Variants in ACSM6 observed in about 807,000 individuals in gnomAD.
The protein encoded by ACSM6 is acyl-coenzyme A synthetase ACSM6, mitochondrial.
A neutral mutation model predicts 51.1 loss-of-function variants in ACSM6; 35 were observed. The observed-to-expected ratio is 0.69, with a 90% confidence interval of 0.52 to 0.91. The LOEUF (loss-of-function observed/expected upper bound fraction) is 0.91. Ranked by LOEUF, ACSM6 falls within the 40% of genes least tolerant of loss-of-function variation. ACSM6 has a pLI of 0.00. For synonymous variants in ACSM6, 172 were observed against 207.3 expected, an observed-to-expected ratio of 0.83 and a Z score of 1.46; for missense variants, 509 against 584.1, an observed-to-expected ratio of 0.87 and a Z score of 1.32.
At chr10:95,216,233 A>T (rs544723443) in intron 8 of ACSM6, among the ~76,000 whole-genome samples, 1 of 152,236 alleles carries the variant, frequency 6.6e-6, no homozygotes, top group South Asian at 2.1e-4. Flanking sequence ...TGTGCCCAGC[A>T]TCTCTTCTTA....
chr10:95,202,005 C>G lies in ACSM6; in HGVS notation c.213C>G (p.Tyr71Ter), dbSNP rs765703861. 15 of 1,551,518 alleles carry G rather than the reference C, an allele frequency of 9.7e-6. No individual in the cohort carries two copies. The South Asian group carries it at 1.3e-4, about 14-fold the overall frequency. ...CCTAGGACGGACTCAGAGGGCCTTA[C>G]CCCGCCCTCTGGAAGGTTAGTGCCA... The change falls in exon 3 of 11, where the codon TAC (tyrosine) becomes TAG (stop). Residue 71 changes from tyrosine to a stop codon, truncating the protein, a stop_gained. Transcript: ENST00000341686. LOFTEE classifies it high-confidence loss of function.
At chr10:95,204,695 T>A (rs2034826012) in intron 3 of ACSM6, among the ~76,000 whole-genome samples, 1 of 152,142 alleles carries the variant, frequency 6.6e-6, no homozygotes, top group East Asian at 1.9e-4. Context: ...TGTACCAAAA[T>A]AAATTCAAAT....
At chr10:95,213,497 T>C (rs2034915351) in intron 7 of ACSM6, among the ~76,000 whole-genome samples, 1 of 152,228 alleles carries the variant, frequency 6.6e-6, no homozygotes, top group African/African-American at 2.4e-5. Context: ...TATATCATAG[T>C]GAAACTTGCA....
intron 8 of ACSM6, among the ~76,000 whole-genome samples, chr10:95,216,429 C>G (rs1458403554): frequency 6.6e-6 from 1 of 152,134 alleles, no homozygotes; most frequent in African/African-American, 2.4e-5. Context: ...GGGGGTAGAA[C>G]TGATCATTCA....
exon 7 of ACSM6, chr10:95,212,937 C>A: frequency 1.2e-6 from 2 of 1,606,630 alleles, no homozygotes; most frequent in Non-Finnish European, 1.7e-6. Context: ...AAGTGTTTCA[C>A]CAGGTAAGAG....
intron 9 of ACSM6, among the ~76,000 whole-genome samples, chr10:95,222,817 T>C (rs2035005902): frequency 7.0e-6 from 1 of 143,590 alleles, no homozygotes; most frequent in East Asian, 1.9e-4. Context: ...ACTTAAAATC[T>C]TGCTAAGGAG....
intron 3 of ACSM6, among the ~76,000 whole-genome samples, chr10:95,202,397 TTTCC>T (rs1162954639): frequency 6.6e-6 from 1 of 152,218 alleles, no homozygotes; most frequent in African/African-American, 2.4e-5. Context: ...TGAATCTCAG[TTTCC>T]TTGTCTATTA....
intron 2 of ACSM6, among the ~76,000 whole-genome samples, chr10:95,198,591 C>T (rs939063796): frequency 1.3e-5 from 2 of 150,574 alleles, no homozygotes; most frequent in African/African-American, 4.9e-5. Flanking sequence ...GCAGAGGTTG[C>T]AGTGAGCTGA....
chr10:95,212,811 C>T (rs2034906389), intron 6 of ACSM6, 47 bp from the exon 7 acceptor site: 1 of 1,449,434 alleles, frequency 6.9e-7, no homozygotes, highest in Admixed American at 1.7e-5. Flanking sequence ...CTCACTGTCT[C>T]TCCCACCTCA....
intron 2 of ACSM6, among the ~76,000 whole-genome samples, chr10:95,199,139 G>A (rs2133370707): frequency 1.3e-5 from 2 of 152,238 alleles, no homozygotes; most frequent in East Asian, 1.9e-4. Flanking sequence ...CATGGTACTG[G>A]TACCAAAACA....
At chr10:95,217,529 T>TG (rs998891876) in intron 8 of ACSM6, among the ~76,000 whole-genome samples, 1 of 151,966 alleles carries the variant, frequency 6.6e-6, no homozygotes, top group Non-Finnish European at 1.5e-5. Context: ...GAATTTGTGG[T>TG]GGGGGGCAGG....
intron 7 of ACSM6, among the ~76,000 whole-genome samples, chr10:95,214,333 T>A (rs926265689): frequency 6.6e-6 from 1 of 152,166 alleles, no homozygotes; most frequent in Non-Finnish European, 1.5e-5. Context: ...ATCACCAAAA[T>A]CAAATAAACA....
At chr10:95,206,069 A>G (rs1446201678) in intron 3 of ACSM6, among the ~76,000 whole-genome samples, 1 of 152,208 alleles carries the variant, frequency 6.6e-6, no homozygotes, top group African/African-American at 2.4e-5. Context: ...TGGTTTTTAG[A>G]ATATTCACAA....
rs752863733 is a variant in ACSM6 at position 95,207,282 on chromosome 10, C to T, written c.478C>T (p.Gln160Ter). Residue 160 changes from glutamine to a stop codon, truncating the protein, a stop_gained, in exon 4 of 11, where the codon CAG becomes TAG. Coordinates refer to ENST00000341686, the Ensembl canonical transcript of ACSM6. LOFTEE classifies it high-confidence loss of function. ...CTATCAATTACGCATGTCTAAGGCC[C>T]AGTGCATTGTGGCTAATGAAGCTAT... is the stretch of plus-strand genomic sequence containing the variant. 1.9e-6 allele frequency: 3 copies of T among 1,614,118 alleles called. No homozygotes were observed. The South Asian group carries it at 3.3e-5, about 18-fold the overall frequency.
chr10:95,196,543 A>G (rs1204835884), intron 2 of ACSM6, among the ~76,000 whole-genome samples: 1 of 152,242 alleles, frequency 6.6e-6, no homozygotes, highest in East Asian at 1.9e-4. Flanking sequence ...TATTACCCAA[A>G]GATAACCACT....
intron 9 of ACSM6, among the ~76,000 whole-genome samples, chr10:95,223,337 AG>A (rs1051815914): frequency 2.2e-4 from 33 of 152,320 alleles, no homozygotes; most frequent in Admixed American, 2.2e-3. Context: ...ATGGGGTCAT[AG>A]TATGAGCCAG....
chr10:95,216,526 A>G (rs1211884438), intron 8 of ACSM6, among the ~76,000 whole-genome samples: 1 of 152,214 alleles, frequency 6.6e-6, no homozygotes, highest in Non-Finnish European at 1.5e-5. Context: ...CTTAATGGAT[A>G]AGGAATGACT....
intron 7 of ACSM6, among the ~76,000 whole-genome samples, chr10:95,213,288 A>G (rs1224841654): frequency 1.3e-5 from 2 of 152,182 alleles, no homozygotes; most frequent in Non-Finnish European, 2.9e-5. Flanking sequence ...AAGAAAAAAA[A>G]ATGTGTAATT....
At chr10:95,217,507 T>C (rs57693248) in intron 8 of ACSM6, among the ~76,000 whole-genome samples, 12,509 of 149,666 alleles carry the variant, frequency 0.084, 644 homozygotes, top group Middle Eastern at 0.24. Context: ...TCAAATAGCA[T>C]GGGAGAAATA....
Sources: gnomAD v4.1 joint callset for allele counts (sites outside exome capture counted in the v4.1 genomes callset) on GRCh38, gnomAD v4.1.1 for gene constraint, MANE v1.5 for transcripts, NCBI Gene and HGNC (gene_info 2026-07-23, HGNC 2026-07-21) for gene names.